The following OASL variants were observed in gnomAD, a reference collection of about 807,000 sequenced individuals.
OASL encodes the protein 2'-5'-oligoadenylate synthase-like protein.
OASL carries 28 observed loss-of-function variants against 35.3 expected under a neutral mutation model. That is an observed-to-expected ratio of 0.79 (90% CI 0.59 to 1.09). The LOEUF is 1.09. Among genes scored for constraint, OASL ranks in the 50% least tolerant of loss-of-function variants. The pLI is 0.00. For missense variants in OASL, 620 were observed against 635.2 expected, an observed-to-expected ratio of 0.98 and a Z score of 0.26; for synonymous variants, 252 against 254.6, an observed-to-expected ratio of 0.99 and a Z score of 0.10.
At chr12:121,030,182 G>A (rs1460699244) in intron 3 of OASL, among the ~76,000 whole-genome samples, 1 of 151,802 alleles carries the variant, frequency 6.6e-6, no homozygotes, top group Non-Finnish European at 1.5e-5. Flanking sequence ...GCCGGTAATT[G>A]TTTTTTCTTT....
At chr12:121,032,739 A>G (rs1023545114) in intron 2 of OASL, among the ~76,000 whole-genome samples, 2 of 152,100 alleles carry the variant, frequency 1.3e-5, no homozygotes, top group African/African-American at 4.8e-5. Context: ...ATCTGCTTCT[A>G]TAAAATGCAG....
Position 121,033,378 on chromosome 12 carries a change from G to A in OASL, c.481+83C>T, listed in dbSNP as rs1008145051. ...AATGAATAAATGTGGGTGTGTGCAC[G>A]TGGCCATGAGTAAAGGTGAGACACT... On this transcript the variant is annotated intron_variant, in intron 2 of 5. Coordinates refer to ENST00000257570, the Ensembl canonical transcript of OASL. 6.8e-5 allele frequency: 95 copies of A among 1,388,236 alleles called. 1 individual carries two copies. Among genetic ancestry groups the A allele is most frequent in the Admixed American group, 2.1e-4 (11 of 53,044 alleles). The allele number at this position is 1,388,236 out of a possible 1,614,324, so 86.0% of individuals were successfully genotyped here.
intron 4 of OASL, among the ~76,000 whole-genome samples, chr12:121,027,313 C>T (rs1312980386): frequency 2.0e-5 from 3 of 151,984 alleles, no homozygotes; most frequent in African/African-American, 7.2e-5. Flanking sequence ...CTGAAATGGT[C>T]TTCAGAGAGC....
chr12:121,021,097 A>G (rs1287692496), intron 5 of OASL, 39 bp from the exon 6 acceptor site: 1 of 1,513,854 alleles, frequency 6.6e-7, no homozygotes, highest in Non-Finnish European at 8.8e-7. Flanking sequence ...TTAAGTCCAC[A>G]CTTCTTTGTC....
At chr12:121,020,985 T>C in exon 6 of OASL, 1 of 1,613,696 alleles carries the variant, frequency 6.2e-7, no homozygotes, top group Non-Finnish European at 8.5e-7. Context: ...CCTTATGGGC[T>C]CATAAGGGTT....
At chr12:121,017,885 C>T (rs1403187596), downstream of OASL, among the ~76,000 whole-genome samples, 1 of 152,204 alleles carries the variant, frequency 6.6e-6, no homozygotes, top group African/African-American at 2.4e-5. Context: ...TCCACATAAG[C>T]TTCTTTAAAA....
At chr12:121,032,733 G>C (rs1378582389) in intron 2 of OASL, among the ~76,000 whole-genome samples, 1 of 152,058 alleles carries the variant, frequency 6.6e-6, no homozygotes, top group East Asian at 1.9e-4. Context: ...CTTAGGATCT[G>C]CTTCTATAAA....
At chr12:121,032,898 T>C (rs1869794361) in intron 2 of OASL, among the ~76,000 whole-genome samples, 1 of 152,068 alleles carries the variant, frequency 6.6e-6, no homozygotes, top group Non-Finnish European at 1.5e-5. Flanking sequence ...ATTTACACCA[T>C]TTGCAATCAT....
chr12:121,033,231 A>G (rs1156364976), intron 2 of OASL, among the ~76,000 whole-genome samples: 1 of 152,098 alleles, frequency 6.6e-6, no homozygotes, highest in Non-Finnish European at 1.5e-5. Flanking sequence ...GGCTGCAATC[A>G]TGTATTTATC....
chr12:121,018,805 G>T (rs2135897110), downstream of OASL, among the ~76,000 whole-genome samples: 1 of 150,460 alleles, frequency 6.6e-6, no homozygotes, highest in African/African-American at 2.5e-5. Context: ...CGGAGGCAGA[G>T]GTTGCAGGGA....
chr12:121,031,433 C>T lies in OASL; in HGVS notation c.657+9G>A. 6.2e-7 allele frequency: 1 copy of T among 1,611,510 alleles called. No homozygotes were observed. The highest frequency in any genetic ancestry group is 8.5e-7 in the Non-Finnish European group (1 of 1,178,880). On this transcript the variant is annotated intron_variant, in intron 3 of 5. Coordinates refer to ENST00000257570, the Ensembl canonical transcript of OASL. The stretch of plus-strand genomic sequence containing the variant: ...CTCCTTGCCCCTGCCATCCTGGCAG[C>T]CCCCTCACCTGCTGGTACCAGTGTT...
At chr12:121,030,092 C>G (rs944810225) in intron 3 of OASL, among the ~76,000 whole-genome samples, 2 of 152,158 alleles carry the variant, frequency 1.3e-5, no homozygotes, top group African/African-American at 4.8e-5. Flanking sequence ...TCAGGCTGGT[C>G]TTGAACCCTT....
chr12:121,037,791 A>G (rs1249129567), intron 1 of OASL, among the ~76,000 whole-genome samples: 1 of 144,150 alleles, frequency 6.9e-6, no homozygotes, highest in African/African-American at 2.6e-5. Flanking sequence ...AAACAAAAAC[A>G]AAAATCATTT....
At chr12:121,021,165 G>A (rs968739082) in intron 5 of OASL, 107 bp from the exon 6 acceptor site, 24 of 1,199,630 alleles carry the variant, frequency 2.0e-5, no homozygotes, top group Admixed American at 1.1e-4. Context: ...CAGCAGCAGC[G>A]GCAGCAGCAA....
At chr12:121,033,844 G>C in intron 1 of OASL, 101 bp from the exon 2 acceptor site, 4 of 1,269,090 alleles carry the variant, frequency 3.2e-6, no homozygotes, top group Non-Finnish European at 4.4e-6. Flanking sequence ...CTCACCACCC[G>C]CTGAGGGATG....
chr12:121,033,160 A>C (rs1259093993), intron 2 of OASL, among the ~76,000 whole-genome samples: 1 of 152,010 alleles, frequency 6.6e-6, no homozygotes, highest in Admixed American at 6.6e-5. Context: ...TCCTGACCTC[A>C]TGATCCACCT....
rs1409222245 is a variant in OASL at position 121,038,833 on chromosome 12, C to A, written c.139G>T (p.Glu47Ter). ...AGCCCACGCTTCCCCTGGAAATGCT[C>A]CTGCCTCAGAAACTCCTCCACGGTC... Residue 47 changes from glutamate to a stop codon, truncating the protein, a stop_gained, in exon 1 of 6, where the codon GAG becomes TAG. Coordinates refer to ENST00000257570, the Ensembl canonical transcript of OASL. LOFTEE classifies it high-confidence loss of function. 2 of 1,614,058 alleles carry A rather than the reference C, an allele frequency of 1.2e-6. No individual in the cohort carries two copies. The highest frequency in any genetic ancestry group is 2.7e-5 in the African/African-American group (2 of 74,922).
At chr12:121,020,513 G>T (rs923354491) in exon 6 of OASL, 2 of 1,542,162 alleles carry the variant, frequency 1.3e-6, no homozygotes, top group African/African-American at 2.7e-5. Context: ...GACAGGATGA[G>T]TTCTGGAGTA....
chr12:121,021,023 C>T, exon 6 of OASL: 1 of 1,606,422 alleles, frequency 6.2e-7, no homozygotes, highest in Non-Finnish European at 8.5e-7. Context: ...CTGGGTAACC[C>T]CTCTGCTCCA....
Sources: allele counts gnomAD v4.1 joint callset (sites outside exome capture counted in the v4.1 genomes callset), GRCh38; gene constraint gnomAD v4.1.1; transcripts MANE v1.5; gene names NCBI Gene and HGNC (gene_info 2026-07-23, HGNC 2026-07-21).